BSG: variants seen among roughly 807,000 people sequenced by gnomAD.
BSG encodes the protein basigin.
A neutral mutation model predicts 43.1 loss-of-function variants in BSG; 37 were observed. That is an observed-to-expected ratio of 0.86 (90% CI 0.66 to 1.13). The LOEUF is 1.13. Ranked by LOEUF, BSG falls within the 50% of genes most tolerant of loss-of-function variation. BSG has a pLI of 0.00. For missense variants in BSG, 599 were observed against 554.2 expected, an observed-to-expected ratio of 1.08 and a Z score of -0.81; for synonymous variants, 309 against 238.7, an observed-to-expected ratio of 1.29 and a Z score of -2.72.
intron 2 of BSG, chr19:579,117 C>T (rs556084263): frequency 8.6e-6 from 4 of 466,628 alleles, no homozygotes; most frequent in African/African-American, 5.9e-5. Context: ...CTGGTCCCTG[C>T]TCAGGGACGT....
intron 4 of BSG, 46 bp downstream of exon 4, chr19:580,507 G>A: frequency 6.2e-7 from 1 of 1,606,950 alleles, no homozygotes; most frequent in South Asian, 1.1e-5. Flanking sequence ...ACTGTCGGGA[G>A]AAGTTGTTGG....
chr19:572,490 C>G, upstream of BSG: 13 of 1,186,296 alleles, frequency 1.1e-5, no homozygotes, highest in Non-Finnish European at 1.3e-5. Context: ...GCAGGCGGGG[C>G]GACCGGCGTC....
At chr19:579,750 G>A (rs866023682) in intron 3 of BSG, 94 bp downstream of exon 3, 9 of 1,494,838 alleles carry the variant, frequency 6.0e-6, no homozygotes, top group African/African-American at 2.8e-5. Context: ...AAGACCGGTC[G>A]GCAGGCTTGA....
At chr19:577,069 C>T (rs925685649) in intron 1 of BSG, among the ~76,000 whole-genome samples, 3 of 152,186 alleles carry the variant, frequency 2.0e-5, no homozygotes, top group Non-Finnish European at 4.4e-5. Context: ...CACGCTTCCC[C>T]TTGGGCTGGG....
At position 577,877 on chromosome 19, in the gene BSG, G is replaced by A; in HGVS notation, c.171G>A (p.Trp57Ter). 1 of 1,575,664 alleles carries A rather than the reference G, an allele frequency of 6.3e-7. No homozygotes were observed. Among genetic ancestry groups the A allele is most frequent in the Non-Finnish European group, 8.7e-7 (1 of 1,155,938 alleles). The change falls in exon 2 of 9, where the codon TGG becomes TGA. Residue 57 changes from tryptophan to a stop codon, truncating the protein, a stop_gained. Transcript: ENST00000333511. LOFTEE classifies it high-confidence loss of function. ...GCCCGGTGCCCGAGATCCAGTGGTGGTTTGAAGGGCAGGGTCCCAACGACA... is the reference window on the plus strand; with the variant it reads ...GCCCGGTGCCCGAGATCCAGTGGTGATTTGAAGGGCAGGGTCCCAACGACA... ...VGSPVPEIQW[W>*]FEGQGPNDTC...
intron 2 of BSG, chr19:578,970 T>C (rs1600490156): frequency 4.4e-6 from 2 of 453,818 alleles, no homozygotes; most frequent in African/African-American, 2.0e-5. Context: ...GACCTCGAGA[T>C]CCACCCGCCT....
chr19:574,962 A>G (rs1395353084), intron 1 of BSG: 2 of 152,268 alleles, frequency 1.3e-5, no homozygotes, highest in African/African-American at 2.4e-5. Flanking sequence ...AGGTTCCCAC[A>G]TTGAGCTAAT....
At chr19:579,424 A>T in intron 2 of BSG, 76 bp from the exon 3 acceptor site, 1 of 1,581,922 alleles carries the variant, frequency 6.3e-7, no homozygotes, top group Non-Finnish European at 8.6e-7. Flanking sequence ...GAGGAGCCGC[A>T]GGTTCCTGGG....
chr19:575,944 C>T (rs1222281877), intron 1 of BSG, among the ~76,000 whole-genome samples: 2 of 151,986 alleles, frequency 1.3e-5, no homozygotes, highest in Non-Finnish European at 2.9e-5. Context: ...CTTCCGGACG[C>T]CCCCCCACCC....
rs894105830 is a variant in BSG at position 582,316 on chromosome 19, C to T, written c.1080C>T (p.Ala360=). 27 of 1,601,464 alleles carry T rather than the reference C, an allele frequency of 1.7e-5. No homozygotes were observed. Among genetic ancestry groups the T allele is most frequent in the South Asian group, 3.4e-5 (3 of 89,400 alleles). ...KPEDVLDDDD[A]GSAPLKSSGQ... is the part of the protein sequence containing the mutation. The stretch of plus-strand genomic sequence containing the variant: ...GCGGTCCTTCTTCAGATGACGACGC[C>T]GGCTCTGCACCCCTGTAAGTTCCAG... Residue 360 remains alanine (A), a synonymous_variant, in exon 7 of 9, where the codon GCC becomes GCT. Coordinates refer to ENST00000333511, the MANE Select transcript of BSG (RefSeq NM_001728.4).
At chr19:578,353 G>T (rs1163383078) in intron 2 of BSG, 2 of 446,844 alleles carry the variant, frequency 4.5e-6, no homozygotes, top group Non-Finnish European at 7.8e-6. Context: ...CCCTCCAGCA[G>T]GTGGGTCCTC....
intron 2 of BSG, 66 bp downstream of exon 2, chr19:578,187 T>A (rs1156643931): frequency 7.1e-7 from 1 of 1,406,658 alleles, no homozygotes; most frequent in Non-Finnish European, 9.5e-7. Context: ...GCCTCCCGGC[T>A]CCTGCTCAGT....
At chr19:580,511 T>G in intron 4 of BSG, 50 bp downstream of exon 4, 2 of 1,606,420 alleles carry the variant, frequency 1.2e-6, no homozygotes, top group Non-Finnish European at 1.7e-6. Flanking sequence ...TCGGGAGAAG[T>G]TGTTGGCCTG....
Position 583,489 on chromosome 19 carries a change from C to A in BSG, c.*745C>A, listed in dbSNP as rs1379104489. On this transcript the variant is annotated 3_prime_UTR_variant, in exon 9 of 9. Transcript: ENST00000333511. Reference sequence around the variant, plus strand: ...CAATAAAGATCGCCCCCACCTCCACCCTCACCCTCTCCTGGCTCCTGTCTG... The same window carrying A: ...CAATAAAGATCGCCCCCACCTCCACACTCACCCTCTCCTGGCTCCTGTCTG... The A allele has an allele frequency of 6.6e-6, 1 of 152,352 alleles. No individual in the cohort carries two copies. Among genetic ancestry groups the A allele is most frequent in the Non-Finnish European group, 1.5e-5 (1 of 68,134 alleles). 9.4% of individuals were successfully genotyped at this position (152,352 alleles called of 1,614,324 possible). A position where few individuals can be genotyped will look rare whatever the true frequency, so the allele number is the denominator to read the frequency against.
intron 3 of BSG, among the ~76,000 whole-genome samples, 184 bp from the exon 4 acceptor site, chr19:580,195 G>A (rs1000686219): frequency 2.0e-5 from 3 of 152,176 alleles, no homozygotes; most frequent in Admixed American, 1.3e-4. Flanking sequence ...CACCTGTGGG[G>A]TCTTGCCAGC....
In BSG at chr19:580,389, G is replaced by A. The variant is rs202113312; in HGVS notation, c.583G>A (p.Asp195Asn). ...CTGCTGTGGTTGCAGGGTGGACTCCGACGACCAGTGGGGAGAGTACTCCTG... is the reference window on the plus strand; with the variant it reads ...CTGCTGTGGTTGCAGGGTGGACTCCAACGACCAGTGGGGAGAGTACTCCTG... ...GQKTEFKVDS[D>N]DQWGEYSCVF... Residue 195 changes from aspartate (D) to asparagine (N), a missense_variant, in exon 4 of 9, where the codon GAC (aspartate) becomes AAC (asparagine). Asp to Asn is a conservative substitution (Grantham distance 23, BLOSUM62 1). Coordinates refer to ENST00000333511, the MANE Select transcript of BSG (RefSeq NM_001728.4). The A allele has an allele frequency of 4.3e-6, 7 of 1,610,918 alleles. No individual in the cohort carries two copies. The highest frequency in any genetic ancestry group is 1.7e-5 in the Admixed American group (1 of 60,006).
intron 1 of BSG, among the ~76,000 whole-genome samples, chr19:574,650 T>C (rs1427600463): frequency 6.6e-6 from 1 of 152,204 alleles, no homozygotes; most frequent in East Asian, 1.9e-4. Context: ...AGCAAGGGCT[T>C]CGAGCCTCTG....
At chr19:571,548 A>G (rs2145880267), upstream of BSG, 1 of 779,556 alleles carries the variant, frequency 1.3e-6, no homozygotes, top group Admixed American at 1.7e-5. Context: ...GGCCCCCACA[A>G]TGAAGCAGTC....
chr19:580,823 C>T (rs761153284), intron 5 of BSG, 41 bp downstream of exon 5: 13 of 1,565,170 alleles, frequency 8.3e-6, no homozygotes, highest in Non-Finnish European at 1.1e-5. Context: ...ACCCAGCCCT[C>T]AGGACTGGGT....
Sources: gnomAD v4.1 joint callset for allele counts (sites outside exome capture counted in the v4.1 genomes callset) on GRCh38, gnomAD v4.1.1 for gene constraint, MANE v1.5 for transcripts, NCBI Gene and HGNC (gene_info 2026-07-23, HGNC 2026-07-21) for gene names.